Variants in ABHD12B observed in about 807,000 individuals in gnomAD.
The protein encoded by ABHD12B is abhydrolase domain containing 12B.
ABHD12B carries 42 observed loss-of-function variants against 50.4 expected under a neutral mutation model. The ratio of observed to expected loss-of-function variants is 0.83; its 90% CI spans 0.65 to 1.08. The LOEUF (loss-of-function observed/expected upper bound fraction) is 1.08, where lower values mean the gene tolerates loss of function less well. Ranked by LOEUF, ABHD12B falls within the 50% of genes least tolerant of loss-of-function variation. The pLI is 0.00. For synonymous variants in ABHD12B, 167 were observed against 160.3 expected, an observed-to-expected ratio of 1.04 and a Z score of -0.32; for missense variants, 479 against 447.7, an observed-to-expected ratio of 1.07 and a Z score of -0.63.
intron 5 of ABHD12B, among the ~76,000 whole-genome samples, chr14:50,885,134 C>T (rs979018271): frequency 5.3e-5 from 8 of 152,194 alleles, no homozygotes; most frequent in African/African-American, 1.9e-4. Flanking sequence ...CAGCGTGAGA[C>T]CCCGGGTGTC....
chr14:50,888,918 C>A lies in ABHD12B; in HGVS notation c.780+15C>A. ...CCTTGTTAAAGGTGAGACTCTGATTCATCTTTACAAGGGATCAAAGTAGGC... is the reference window on the plus strand; with the variant it reads ...CCTTGTTAAAGGTGAGACTCTGATTAATCTTTACAAGGGATCAAAGTAGGC... On this transcript the variant is annotated intron_variant, in intron 9 of 12. Coordinates refer to ENST00000337334, the MANE Select transcript of ABHD12B (RefSeq NM_001206673.2). 1.9e-6 allele frequency: 3 copies of A among 1,611,030 alleles called. No homozygotes were observed. The highest frequency in any genetic ancestry group is 1.7e-4 in the Middle Eastern group (1 of 6,054).
chr14:50,895,824 G>C (rs963427459), intron 9 of ABHD12B: 6 of 152,108 alleles, frequency 3.9e-5, no homozygotes, highest in Non-Finnish European at 7.3e-5. Flanking sequence ...TGTGGGTATT[G>C]ACGGTCAGGC....
intron 7 of ABHD12B, 93 bp downstream of exon 7, chr14:50,885,988 C>A: frequency 6.5e-7 from 1 of 1,549,834 alleles, no homozygotes. Context: ...GAGCACCGAG[C>A]CAGAAGACAG....
chr14:50,897,708 C>T (rs1290047385), intron 9 of ABHD12B, among the ~76,000 whole-genome samples: 1 of 152,172 alleles, frequency 6.6e-6, no homozygotes, highest in African/African-American at 2.4e-5. Flanking sequence ...GCCACATACC[C>T]TTTGTGACCT....
At chr14:50,892,292 T>G in intron 9 of ABHD12B, 1 of 444,972 alleles carries the variant, frequency 2.2e-6, no homozygotes, top group Non-Finnish European at 3.0e-6. Context: ...GTGTGTTTGA[T>G]TTATTGAGGA....
intron 4 of ABHD12B, among the ~76,000 whole-genome samples, 167 bp from the exon 5 acceptor site, chr14:50,881,429 A>ATTT (rs150141062): frequency 1.4e-5 from 2 of 141,380 alleles, no homozygotes; most frequent in East Asian, 4.1e-4. Context: ...GAAACCCAGC[A>ATTT]TTTTTTTTTT....
intron 1 of ABHD12B, among the ~76,000 whole-genome samples, 187 bp from the exon 2 acceptor site, chr14:50,877,765 G>A (rs372391369): frequency 3.3e-5 from 5 of 151,772 alleles, no homozygotes; most frequent in African/African-American, 1.2e-4. Flanking sequence ...TACTTGGGAG[G>A]CTCAGGCAGG....
intron 9 of ABHD12B, among the ~76,000 whole-genome samples, chr14:50,897,391 A>G (rs2050212121): frequency 6.6e-6 from 1 of 152,174 alleles, no homozygotes; most frequent in Non-Finnish European, 1.5e-5. Flanking sequence ...TAGTTTTCAT[A>G]TCTTCCAGGT....
intron 5 of ABHD12B, among the ~76,000 whole-genome samples, chr14:50,881,829 C>T (rs937998819): frequency 6.6e-6 from 1 of 152,120 alleles, no homozygotes; most frequent in Admixed American, 6.5e-5. Context: ...TTCTCTAGGT[C>T]CCAAAGTACC....
At chr14:50,895,678 A>G (rs956976404) in intron 9 of ABHD12B, 9 of 152,266 alleles carry the variant, frequency 5.9e-5, no homozygotes, top group South Asian at 2.1e-4. Flanking sequence ...GAAGCCCCCT[A>G]GACCATCACA....
At chr14:50,891,049 A>G (rs571363546) in intron 9 of ABHD12B, 55 of 152,226 alleles carry the variant, frequency 3.6e-4, no homozygotes, top group African/African-American at 1.3e-3. Flanking sequence ...TTTATTAGCC[A>G]TTTGGATATC....
chr14:50,879,766 C>A (rs2049914351), intron 3 of ABHD12B, among the ~76,000 whole-genome samples: 1 of 152,240 alleles, frequency 6.6e-6, no homozygotes. Context: ...TCAAGATCAG[C>A]TCATCCAGCA....
chr14:50,876,127 C>G (rs915350771), intron 1 of ABHD12B, among the ~76,000 whole-genome samples: 1 of 152,218 alleles, frequency 6.6e-6, no homozygotes, highest in Non-Finnish European at 1.5e-5. Context: ...ACAATGTCCT[C>G]TCCTTCCTGC....
At chr14:50,885,716 C>A (rs2050025982) in intron 6 of ABHD12B, 50 bp from the exon 7 acceptor site, 2 of 1,614,184 alleles carry the variant, frequency 1.2e-6, no homozygotes, top group South Asian at 1.1e-5. Context: ...CCTCTGATGA[C>A]CCCTCATTTT....
intron 8 of ABHD12B, among the ~76,000 whole-genome samples, chr14:50,887,465 T>A (rs987210088): frequency 6.6e-6 from 1 of 152,144 alleles, no homozygotes; most frequent in Non-Finnish European, 1.5e-5. Context: ...ACTCCTTATA[T>A]AGAGATGCTA....
chr14:50,885,782 A>C lies in ABHD12B; in HGVS notation c.549A>C (p.Thr183=). 1 of 1,614,164 alleles carries C rather than the reference A, an allele frequency of 6.2e-7. No homozygotes were observed. The highest frequency in any genetic ancestry group is 1.1e-5 in the South Asian group (1 of 91,076). Residue 183 remains threonine (T), a synonymous_variant, in exon 7 of 13, where the codon ACA becomes ACC. Coordinates refer to ENST00000337334, the MANE Select transcript of ABHD12B (RefSeq NM_001206673.2). ...SVDYRGFGDS[T]GKPTEEGLTT... ...TGCTGCCAGGATTTGGGGACTCTACAGGTAAGCCCACAGAGGAGGGACTGA... is the reference window on the plus strand; with the variant it reads ...TGCTGCCAGGATTTGGGGACTCTACCGGTAAGCCCACAGAGGAGGGACTGA...
chr14:50,895,662 G>A (rs12436911), intron 9 of ABHD12B: 40,024 of 151,796 alleles, frequency 0.26, 5,829 homozygotes, highest in East Asian at 0.5. Flanking sequence ...CTGCCCGATC[G>A]CCTCGGAAGC....
intron 9 of ABHD12B, among the ~76,000 whole-genome samples, chr14:50,890,784 G>C (rs1443199949): frequency 6.6e-6 from 1 of 152,132 alleles, no homozygotes; most frequent in African/African-American, 2.4e-5. Flanking sequence ...TCTTGAACCT[G>C]TATTCTGTAA....
chr14:50,883,496 T>A (rs1345175838), intron 5 of ABHD12B, among the ~76,000 whole-genome samples: 1 of 152,212 alleles, frequency 6.6e-6, no homozygotes, highest in Non-Finnish European at 1.5e-5. Flanking sequence ...GTTTATTCAT[T>A]TTTAGGTTTG....
Sources: gnomAD v4.1 joint callset for allele counts (sites outside exome capture counted in the v4.1 genomes callset) on GRCh38, gnomAD v4.1.1 for gene constraint, MANE v1.5 for transcripts, NCBI Gene and HGNC (gene_info 2026-07-23, HGNC 2026-07-21) for gene names.